Variants in DTWD1 observed in about 807,000 individuals in gnomAD.
DTWD1 encodes the protein DTW motif tRNA-uridine aminocarboxypropyltransferase 1.
A neutral mutation model predicts 30.2 loss-of-function variants in DTWD1; 27 were observed. That is an observed-to-expected ratio of 0.90 (90% CI 0.66 to 1.23). DTWD1 has a LOEUF of 1.23. DTWD1 is among the 50% of genes most tolerant of loss of function. The pLI is 0.00. For missense variants in DTWD1, 342 were observed against 348.8 expected (o/e 0.98, Z 0.15); for synonymous variants, 99 against 113.1 (o/e 0.88, Z 0.79).
intron 2 of DTWD1, 39 bp from the exon 3 acceptor site, chr15:49,632,120 G>A (rs985617752): frequency 1.4e-6 from 2 of 1,469,762 alleles, no homozygotes; most frequent in African/African-American, 1.4e-5. Context: ...AAATTAAAAT[G>A]TTTATATATT....
At chr15:49,641,135 A>G (rs895445121) in intron 4 of DTWD1, among the ~76,000 whole-genome samples, 18 of 152,126 alleles carry the variant, frequency 1.2e-4, no homozygotes, top group Admixed American at 9.8e-4. Context: ...CTCACGTTTC[A>G]ATCTGATAAT....
At position 49,646,632 on chromosome 15, in the gene DTWD1, T is replaced by C. The variant is rs1420862081; in HGVS notation, c.*3054T>C. ...GGACTAGAAAAAGCTGCTGGGTAAA[T>C]TGCTCTTCTTCTGATGGACTGTATA... On this transcript the variant is annotated 3_prime_UTR_variant, in exon 5 of 5. Coordinates refer to ENST00000403028, the MANE Select transcript of DTWD1 (RefSeq NM_001144955.2). The C allele has an allele frequency of 6.6e-6, 1 of 152,238 alleles. No homozygotes were observed. Among genetic ancestry groups the C allele is most frequent in the East Asian group, 1.9e-4 (1 of 5,184 alleles). The allele number at this position is 152,238 out of a possible 1,614,324, so 9.4% of individuals were successfully genotyped here.
Position 49,632,269 on chromosome 15 carries a change from G to T in DTWD1, c.375G>T (p.Pro125=), listed in dbSNP as rs371850152. 1 of 1,589,316 alleles carries T rather than the reference G, an allele frequency of 6.3e-7. No homozygotes were observed. The highest frequency in any genetic ancestry group is 2.3e-5 in the East Asian group (1 of 43,842). ...AATTTGTAAACATTTACACGTATCC[G>T]TGTATTCCAGAATATGAAGAAAAGG... The part of the protein sequence containing the change: ...APEFVNIYTY[P]CIPEYEEKDH... The change falls in exon 3 of 5, where the codon CCG becomes CCT. Residue 125 remains proline (P), a synonymous_variant. Coordinates refer to ENST00000403028, the MANE Select transcript of DTWD1 (RefSeq NM_001144955.2).
chr15:49,627,884 T>C (rs911940343), intron 2 of DTWD1, among the ~76,000 whole-genome samples: 2 of 152,156 alleles, frequency 1.3e-5, no homozygotes, highest in Non-Finnish European at 2.9e-5. Context: ...ACTGTATACT[T>C]AGGGTACACT....
chr15:49,625,242 A>G lies in DTWD1; in HGVS notation c.75A>G (p.Ser25=), dbSNP rs2078825451. The G allele has an allele frequency of 6.2e-7, 1 of 1,613,522 alleles. No homozygotes were observed. The highest frequency in any genetic ancestry group is 8.5e-7 in the Non-Finnish European group (1 of 1,179,642). The change falls in exon 2 of 5, where the codon TCA becomes TCG. Residue 25 remains serine, a synonymous_variant. Transcript: ENST00000403028. Reference sequence around the variant, plus strand: ...CAAAATTTGTGGAAACAAAACAGTCACAAACTACTTCCATAGCTTCAGAAG... The same window carrying G: ...CAAAATTTGTGGAAACAAAACAGTCGCAAACTACTTCCATAGCTTCAGAAG... ...NSSKFVETKQ[S]QTTSIASEDP... is the part of the protein sequence containing the mutation.
In DTWD1 at chr15:49,648,211, T is replaced by A. The variant is rs1432055697; in HGVS notation, c.*4633T>A. 1 of 152,202 alleles carries A rather than the reference T, an allele frequency of 6.6e-6. No individual in the cohort carries two copies. Among genetic ancestry groups the A allele is most frequent in the African/African-American group, 2.4e-5 (1 of 41,470 alleles). 9.4% of individuals were successfully genotyped at this position (152,202 alleles called of 1,614,324 possible). A position where few individuals can be genotyped will look rare whatever the true frequency, so the allele number is the denominator to read the frequency against. ...AATGAAAGTCTATTCATACACTGTA[T>A]ATTAAGCTCTATATACACTGCATAT... is the stretch of plus-strand genomic sequence containing the variant. On this transcript the variant is annotated 3_prime_UTR_variant, in exon 5 of 5. Coordinates refer to ENST00000403028, the MANE Select transcript of DTWD1 (RefSeq NM_001144955.2).
intron 2 of DTWD1, chr15:49,626,630 T>TAA: frequency 6.6e-5 from 19 of 286,592 alleles, no homozygotes; most frequent in Admixed American, 1.1e-4. Context: ...AACTTGCCAG[T>TAA]AAAAAAAAAA....
At chr15:49,632,071 C>A (rs756570317) in intron 2 of DTWD1, 88 bp from the exon 3 acceptor site, 1 of 1,111,494 alleles carries the variant, frequency 9.0e-7, no homozygotes, top group Middle Eastern at 2.9e-4. Flanking sequence ...TTATTGTGAG[C>A]TTCCTATTTA....
intron 3 of DTWD1, among the ~76,000 whole-genome samples, chr15:49,633,843 C>G (rs1319730991): frequency 6.6e-6 from 1 of 152,026 alleles, no homozygotes; most frequent in Non-Finnish European, 1.5e-5. Context: ...GAAGCTCTAA[C>G]AATATAAATC....
At chr15:49,624,458 T>G (rs925104) in intron 1 of DTWD1, among the ~76,000 whole-genome samples, 37,966 of 152,148 alleles carry the variant, frequency 0.25, 5,695 homozygotes, top group Non-Finnish European at 0.35. Flanking sequence ...TCTCTAGTAC[T>G]AAAGAATCTG....
rs1350708269 is a variant in DTWD1 at position 49,646,054 on chromosome 15, A to C, written c.*2476A>C. 1.3e-5 allele frequency: 2 copies of C among 152,142 alleles called. No individual in the cohort carries two copies. The highest frequency in any genetic ancestry group is 2.9e-5 in the Non-Finnish European group (2 of 68,040). 9.4% of individuals were successfully genotyped at this position (152,142 alleles called of 1,614,324 possible). A position where few individuals can be genotyped will look rare whatever the true frequency, so the allele number is the denominator to read the frequency against. On this transcript the variant is annotated 3_prime_UTR_variant, in exon 5 of 5. Transcript: ENST00000403028. ...ACTTACACTTGTGCTTCTGCTGTTGACATAAGAATATGCATGGCTGAGTTA... is the reference window on the plus strand; with the variant it reads ...ACTTACACTTGTGCTTCTGCTGTTGCCATAAGAATATGCATGGCTGAGTTA...
In DTWD1 at chr15:49,653,301, C is replaced by T. The variant is rs2079162843; in HGVS notation, c.*9723C>T. The stretch of plus-strand genomic sequence containing the variant: ...ATGATGTGAAATGAGAAGAACTCAA[C>T]CTGCTATTGTTGGCTTTACAGGTGA... On this transcript the variant is annotated 3_prime_UTR_variant, in exon 5 of 5. Transcript: ENST00000403028. 1 of 152,006 alleles carries T rather than the reference C, an allele frequency of 6.6e-6. No individual in the cohort carries two copies. Among genetic ancestry groups the T allele is most frequent in the Admixed American group, 6.6e-5 (1 of 15,236 alleles). The allele number at this position is 152,006 out of a possible 1,614,324, so 9.4% of individuals were successfully genotyped here. A position where few individuals can be genotyped will look rare whatever the true frequency, so the allele number is the denominator to read the frequency against.
intron 2 of DTWD1, 172 bp downstream of exon 2, chr15:49,625,603 A>C: frequency 1.5e-6 from 1 of 680,426 alleles, no homozygotes; most frequent in Non-Finnish European, 2.4e-6. Context: ...TCAGCAGGGC[A>C]CATTTACTTC....
chr15:49,647,594 T>A lies in DTWD1; in HGVS notation c.*4016T>A, dbSNP rs1420736480. The A allele has an allele frequency of 6.6e-6, 1 of 152,136 alleles. No homozygotes were observed. The highest frequency in any genetic ancestry group is 1.9e-4 in the East Asian group (1 of 5,192). 9.4% of individuals were successfully genotyped at this position (152,136 alleles called of 1,614,324 possible). On this transcript the variant is annotated 3_prime_UTR_variant, in exon 5 of 5. Transcript: ENST00000403028. ...ACTGGAAGCATTAATTATAGCAACTTTTTATCTCCAAATACTGACAATTAA... is the reference window on the plus strand; with the variant it reads ...ACTGGAAGCATTAATTATAGCAACTATTTATCTCCAAATACTGACAATTAA...
chr15:49,632,398 T>C, intron 3 of DTWD1, 96 bp downstream of exon 3: 1 of 1,201,492 alleles, frequency 8.3e-7, no homozygotes, highest in Non-Finnish European at 1.2e-6. Context: ...TAATTTAATA[T>C]TTTTCTTAGT....
rs1219083293 is a variant in DTWD1, at chr15:49,648,506, T to C, written c.*4928T>C. The C allele has an allele frequency of 6.6e-6, 1 of 152,192 alleles. No homozygotes were observed. Among genetic ancestry groups the C allele is most frequent in the Non-Finnish European group, 1.5e-5 (1 of 68,040 alleles). The allele number at this position is 152,192 out of a possible 1,614,324, so 9.4% of individuals were successfully genotyped here. On this transcript the variant is annotated 3_prime_UTR_variant, in exon 5 of 5. Coordinates refer to ENST00000403028, the MANE Select transcript of DTWD1 (RefSeq NM_001144955.2). The stretch of plus-strand genomic sequence containing the variant: ...TAGTAGAGATGGAGTTTTGTCATGT[T>C]TGGCCAGCCTTATCTGAAACTCCTG...
chr15:49,625,411 G>A lies in DTWD1; in HGVS notation c.244G>A (p.Glu82Lys). Residue 82 changes from glutamate to lysine, a missense_variant, in exon 2 of 5, where the codon GAA (glutamate) becomes AAA (lysine). Physicochemically the swap from Glu to Lys is moderately conservative, Grantham distance 56. Coordinates refer to ENST00000403028, the MANE Select transcript of DTWD1 (RefSeq NM_001144955.2). Reference protein sequence around the residue: ...CYVPVENVPIEQIPLVKLPLK... With the variant: ...CYVPVENVPIKQIPLVKLPLK... ...TGTTCCAGTTGAAAATGTACCTATT[G>A]AACAGATTCCACTTGTGAAGGTTAG... 2 of 1,612,354 alleles carry A rather than the reference G, an allele frequency of 1.2e-6. No homozygotes were observed. The highest frequency in any genetic ancestry group is 1.7e-6 in the Non-Finnish European group (2 of 1,179,136).
At chr15:49,640,491 C>T (rs2079053374) in intron 4 of DTWD1, among the ~76,000 whole-genome samples, 1 of 152,064 alleles carries the variant, frequency 6.6e-6, no homozygotes. Context: ...GAATATTCAC[C>T]TTTACAGGAT....
chr15:49,642,217 T>G (rs566399704), intron 4 of DTWD1, among the ~76,000 whole-genome samples: 1 of 152,306 alleles, frequency 6.6e-6, no homozygotes, highest in South Asian at 2.1e-4. Flanking sequence ...TGGGCCAATT[T>G]TGATGCTACC....
Sources: allele counts gnomAD v4.1 joint callset (sites outside exome capture counted in the v4.1 genomes callset), GRCh38; gene constraint gnomAD v4.1.1; transcripts MANE v1.5; gene names NCBI Gene and HGNC (gene_info 2026-07-23, HGNC 2026-07-21).